ZNF318: variants seen among roughly 807,000 people sequenced by gnomAD.
ZNF318 encodes endocrine regulator.
ZNF318 carries 51 observed loss-of-function variants against 124.2 expected under a neutral mutation model. The observed-to-expected ratio is 0.41, with a 90% CI of 0.33 to 0.52. The LOEUF (loss-of-function observed/expected upper bound fraction) is 0.52, where lower values mean the gene tolerates loss of function less well. Ranked by LOEUF, ZNF318 falls within the 20% of genes least tolerant of loss-of-function variation. The pLI is 0.23. For synonymous variants in ZNF318, 1,090 were observed against 1,040.7 expected, an observed-to-expected ratio of 1.05 and a Z score of -0.91; for missense variants, 2,815 against 2,811.2, an observed-to-expected ratio of 1.00 and a Z score of -0.03.
At chr6:43,354,607 A>G in intron 4 of ZNF318, 57 bp downstream of exon 4, 1 of 1,502,276 alleles carries the variant, frequency 6.7e-7, no homozygotes, top group Non-Finnish European at 8.9e-7. Flanking sequence ...AAAAACATAT[A>G]CAAATTTATG....
intron 2 of ZNF318, chr6:43,364,280 G>C (rs1371563915): frequency 4.2e-6 from 2 of 471,652 alleles, no homozygotes; most frequent in African/African-American, 4.1e-5. Context: ...GGCTCCAGCT[G>C]TGGCTACAAC....
chr6:43,352,602 C>G, intron 4 of ZNF318, 126 bp from the exon 5 acceptor site: 2 of 751,692 alleles, frequency 2.7e-6, no homozygotes, highest in Non-Finnish European at 4.4e-6. Flanking sequence ...CACACAGGCT[C>G]TGACCTTACT....
chr6:43,359,206 T>G (rs1176708437), intron 2 of ZNF318, among the ~76,000 whole-genome samples: 1 of 152,230 alleles, frequency 6.6e-6, no homozygotes, highest in Non-Finnish European at 1.5e-5. Flanking sequence ...CTTCTCTGGA[T>G]ATCTACAAGC....
chr6:43,368,773 GCGCTCCCGAGTCCGTTATTGTGTCAA>G (rs1310434746), intron 1 of ZNF318, 168 bp downstream of exon 1: 26 of 985,322 alleles, frequency 2.6e-5, no homozygotes, highest in Non-Finnish European at 3.0e-5. Context: ...AGACGCCCGT[GCGCTCCCGAGTCCGTTATTGTGTCAA>G]CGCTCCCGGG....
At chr6:43,344,797 C>A (rs1581641054) in intron 6 of ZNF318, among the ~76,000 whole-genome samples, 1 of 151,930 alleles carries the variant, frequency 6.6e-6, no homozygotes, top group African/African-American at 2.4e-5. Context: ...AATTGATGGA[C>A]AGAATTAATA....
Position 43,357,175 on chromosome 6 carries a change from G to A in ZNF318, c.1139C>T (p.Ser380Phe), listed in dbSNP as rs142956001. ...PEEVSVMPKK[S>F]ILKKRIEVDI... ...CACCTCAATCCGCTTCTTCAAAATGGATTTCTTGGGCATCACAGATACTTC... is the reference window on the plus strand; with the variant it reads ...CACCTCAATCCGCTTCTTCAAAATGAATTTCTTGGGCATCACAGATACTTC... Residue 380 changes from serine (S) to phenylalanine (F), a missense_variant, in exon 3 of 10, where the codon TCC becomes TTC. Physicochemically the swap from Ser to Phe is radical, Grantham distance 155 (BLOSUM62 -2). Coordinates refer to ENST00000361428, the MANE Select transcript of ZNF318 (RefSeq NM_014345.3). The A allele has an allele frequency of 6.2e-7, 1 of 1,613,998 alleles. No individual in the cohort carries two copies. Among genetic ancestry groups the A allele is most frequent in the African/African-American group, 1.3e-5 (1 of 74,906 alleles).
At position 43,369,583 on chromosome 6, in the gene ZNF318, A is replaced by G. The variant is rs1779811362; in HGVS notation, c.-218T>C. The G allele has an allele frequency of 6.5e-6, 1 of 153,480 alleles. No homozygotes were observed. Among genetic ancestry groups the G allele is most frequent in the African/African-American group, 2.5e-5 (1 of 39,582 alleles). 9.5% of individuals were successfully genotyped at this position (153,480 alleles called of 1,614,324 possible). A position where few individuals can be genotyped will look rare whatever the true frequency, so the allele number is the denominator to read the frequency against. ...GTTGGAGGGCGCGAGCACGCGTCCG[A>G]CACACCCCCCCCCGCCTCCGGGGTT... On this transcript the variant is annotated 5_prime_UTR_variant, in exon 1 of 10. Transcript: ENST00000361428.
intron 6 of ZNF318, among the ~76,000 whole-genome samples, chr6:43,345,837 T>C (rs534712025): frequency 6.6e-6 from 1 of 152,182 alleles, no homozygotes; most frequent in Non-Finnish European, 1.5e-5. Flanking sequence ...CCAGGTGGGG[T>C]GGCTCACATC....
At chr6:43,351,567 C>A (rs911273702) in intron 5 of ZNF318, among the ~76,000 whole-genome samples, 5 of 151,972 alleles carry the variant, frequency 3.3e-5, no homozygotes, top group Non-Finnish European at 7.4e-5. Context: ...TTGAGACCAG[C>A]CTGGACAAAA....
In ZNF318 at chr6:43,339,213, T is replaced by A; in HGVS notation, c.4785A>T (p.Pro1595=). The change falls in exon 10 of 10, where the codon CCA becomes CCT. Residue 1595 remains proline (P), a synonymous_variant. Transcript: ENST00000361428. This position sits in a 1 kb window ranked among gnomAD's most constrained non-coding sequence, Gnocchi z 4.2. Reference sequence around the variant, plus strand: ...GGTTGCTATTTTCCCCATTGGCCAATGGACCACCACTTAGCTTAGTCTCAG... The same window carrying A: ...GGTTGCTATTTTCCCCATTGGCCAAAGGACCACCACTTAGCTTAGTCTCAG... ...GAPETKLSGG[P]LANGENSNLS... 5 of 1,614,234 alleles carry A rather than the reference T, an allele frequency of 3.1e-6. No individual in the cohort carries two copies. The highest frequency in any genetic ancestry group is 4.2e-6 in the Non-Finnish European group (5 of 1,180,048).
chr6:43,349,198 A>G (rs1289027051), intron 5 of ZNF318, among the ~76,000 whole-genome samples: 5 of 152,314 alleles, frequency 3.3e-5, no homozygotes, highest in African/African-American at 7.2e-5. Flanking sequence ...ATGAACTCCC[A>G]TAACAGTATA....
At chr6:43,347,174 C>T (rs1437185061) in intron 6 of ZNF318, among the ~76,000 whole-genome samples, 1 of 151,838 alleles carries the variant, frequency 6.6e-6, no homozygotes, top group Non-Finnish European at 1.5e-5. Flanking sequence ...AGAAAGGGAA[C>T]AGAAAATGTG....
rs1779287867 is a variant in ZNF318, at chr6:43,336,942, TA to T, written c.*215del. ...ATACATTTTTACAGATATATATATATATATATAAGTTGTTATCGATTTGTCT... is the reference window on the plus strand; with the variant it reads ...ATACATTTTTACAGATATATATATATTATATAAGTTGTTATCGATTTGTCT... On this transcript the variant is annotated 3_prime_UTR_variant, in exon 10 of 10. Transcript: ENST00000361428. 1 of 182,704 alleles carries T rather than the reference TA, an allele frequency of 5.5e-6. No individual in the cohort carries two copies. The highest frequency in any genetic ancestry group is 1.0e-5 in the Non-Finnish European group (1 of 99,610). The allele number at this position is 182,704 out of a possible 1,614,324, so 11.3% of individuals were successfully genotyped here.
intron 1 of ZNF318, 56 bp downstream of exon 1, chr6:43,368,911 A>AT (rs1374100128): frequency 3.1e-6 from 4 of 1,283,168 alleles, no homozygotes; most frequent in Non-Finnish European, 4.0e-6. Flanking sequence ...GGAAACGGGA[A>AT]TTCCGGGGGA....
chr6:43,357,812 T>C (rs1331974738), intron 2 of ZNF318, 47 bp from the exon 3 acceptor site: 1 of 1,524,312 alleles, frequency 6.6e-7, no homozygotes, highest in Non-Finnish European at 8.8e-7. Context: ...TTGGAAAGAA[T>C]AAGAGCAGAC....
chr6:43,354,951 T>C lies in ZNF318; in HGVS notation c.2383A>G (p.Met795Val), dbSNP rs575305197. Residue 795 changes from methionine (M) to valine (V), a missense_variant, in exon 4 of 10, where the codon ATG becomes GTG. Coordinates refer to ENST00000361428, the MANE Select transcript of ZNF318 (RefSeq NM_014345.3). The stretch of plus-strand genomic sequence containing the variant: ...GGCCATCTGGAGGCTGCATATGCCA[T>C]GTAGTGCCTATAGGCATCAAAAGAG... ...PASFDAYRHYMAYAASRWPMY... is the reference protein window; with the variant it reads ...PASFDAYRHYVAYAASRWPMY... The C allele has an allele frequency of 2.0e-5, 33 of 1,610,306 alleles. 1 individual carries two copies. The highest frequency in any genetic ancestry group is 1.5e-4 in the South Asian group (14 of 90,484).
In ZNF318 at chr6:43,352,335, G is replaced by A. The variant is rs751694121; in HGVS notation, c.2770+42C>T. ...AGAGTACCAAATTTGGGTCTCCTACGCAAGTTATTACAAAAAGGCAGTCAT... is the reference window on the plus strand; with the variant it reads ...AGAGTACCAAATTTGGGTCTCCTACACAAGTTATTACAAAAAGGCAGTCAT... On this transcript the variant is annotated intron_variant, in intron 5 of 9. Transcript: ENST00000361428. 1.7e-5 allele frequency: 24 copies of A among 1,376,150 alleles called. No homozygotes were observed. In the African/African-American group the frequency reaches 1.9e-4, roughly 11 times the overall value. The allele number at this position is 1,376,150 out of a possible 1,614,324, so 85.2% of individuals were successfully genotyped here. A position where few individuals can be genotyped will look rare whatever the true frequency, so the allele number is the denominator to read the frequency against.
chr6:43,355,946 T>C lies in ZNF318; in HGVS notation c.1388A>G (p.Asn463Ser), dbSNP rs991641293. The change falls in exon 4 of 10, where the codon AAC becomes AGC. Residue 463 changes from asparagine (N) to serine (S), a missense_variant. Physicochemically the swap from Asn to Ser is conservative, Grantham distance 46 (BLOSUM62 1). Around this residue, in one of 4 missense-constraint regions of ZNF318, gnomAD observed 1,377 missense variants for 1,353.5 expected, o/e 1.02. Coordinates refer to ENST00000361428, the MANE Select transcript of ZNF318 (RefSeq NM_014345.3). ...TCCAAATTTTTCTCTGAGAGGACTGTTGTCTTTGGGAATCCCAGGAAGGGG... is the reference window on the plus strand; with the variant it reads ...TCCAAATTTTTCTCTGAGAGGACTGCTGTCTTTGGGAATCCCAGGAAGGGG... ...WGPLPGIPKDNSPLREKFGSF... is the reference protein window; with the variant it reads ...WGPLPGIPKDSSPLREKFGSF... 44 of 1,614,120 alleles carry C rather than the reference T, an allele frequency of 2.7e-5. No homozygotes were observed. Among genetic ancestry groups the C allele is most frequent in the Non-Finnish European group, 3.6e-5 (43 of 1,180,046 alleles).
chr6:43,369,380 C>A lies in ZNF318; in HGVS notation c.-15G>T. The A allele has an allele frequency of 8.1e-7, 1 of 1,240,716 alleles. No individual in the cohort carries two copies. The highest frequency in any genetic ancestry group is 2.4e-5 in the South Asian group (1 of 41,570). The allele number at this position is 1,240,716 out of a possible 1,614,324, so 76.9% of individuals were successfully genotyped here. On this transcript the variant is annotated 5_prime_UTR_variant, in exon 1 of 10. Coordinates refer to ENST00000361428, the MANE Select transcript of ZNF318 (RefSeq NM_014345.3). Reference sequence around the variant, plus strand: ...CTGCGGTACATGGTTCTTGCAGCGGCGGCCACGGCGACAGCTCTGACCCGG... The same window carrying A: ...CTGCGGTACATGGTTCTTGCAGCGGAGGCCACGGCGACAGCTCTGACCCGG...
Sources: gnomAD v4.1 joint callset for allele counts (sites outside exome capture counted in the v4.1 genomes callset) on GRCh38, gnomAD v4.1.1 for gene constraint, gnomAD v4.1.1 regional missense constraint, Gnocchi (gnomAD v3.1) non-coding constraint, MANE v1.5 for transcripts, NCBI Gene and HGNC (gene_info 2026-07-23, HGNC 2026-07-21) for gene names.